Variants in FAM184B observed in about 807,000 individuals in gnomAD.
FAM184B encodes the protein family with sequence similarity 184 member B, also known as protein FAM184B.
In FAM184B, 111 loss-of-function variants were observed where a neutral mutation model predicts 135.9. The ratio of observed to expected loss-of-function variants is 0.82; its 90% confidence interval spans 0.70 to 0.96. FAM184B has a LOEUF of 0.96. Ranked by LOEUF, FAM184B falls within the 40% of genes least tolerant of loss-of-function variation. The pLI, the probability that FAM184B is intolerant of heterozygous loss-of-function variation, is 0.00. For missense variants in FAM184B, 1,375 were observed against 1,323.9 expected, an observed-to-expected ratio of 1.04 and a Z score of -0.60; for synonymous variants, 552 against 524.8, an observed-to-expected ratio of 1.05 and a Z score of -0.71.
chr4:17,746,248 T>C (rs1402602606), intron 1 of FAM184B, among the ~76,000 whole-genome samples: 1 of 151,380 alleles, frequency 6.6e-6, no homozygotes, highest in Non-Finnish European at 1.5e-5. Flanking sequence ...CATGAGCCAC[T>C]GCACCTGACT....
intron 12 of FAM184B, among the ~76,000 whole-genome samples, chr4:17,645,115 A>T (rs1272841811): frequency 6.6e-6 from 1 of 152,240 alleles, no homozygotes; most frequent in Admixed American, 6.5e-5. Context: ...TTCCATGCTC[A>T]TGGATAGGAA....
intron 11 of FAM184B, 58 bp from the exon 12 acceptor site, chr4:17,647,849 A>C: frequency 7.3e-7 from 1 of 1,378,258 alleles, no homozygotes. Flanking sequence ...AGCCTGTGTC[A>C]TGGGGACAAC....
chr4:17,764,236 A>G (rs554746277), intron 1 of FAM184B, among the ~76,000 whole-genome samples: 1 of 152,196 alleles, frequency 6.6e-6, no homozygotes, highest in African/African-American at 2.4e-5. Context: ...GCCTGGAACA[A>G]TTCAGCTCTG....
chr4:17,668,164 G>A lies in FAM184B; in HGVS notation c.1597-3505C>T, dbSNP rs569043005. 3.4e-4 allele frequency among the ~76,000 whole-genome samples: 52 copies of A among 152,310 alleles called. 1 individual carries two copies. In the South Asian group the frequency reaches 9.9e-3, roughly 29 times the overall value. ...AGCCCAGCCTTGTGGGCTGCAGTTCGTTCTTGATCTTCCTCAGTTCACTTC... is the reference window on the plus strand; with the variant it reads ...AGCCCAGCCTTGTGGGCTGCAGTTCATTCTTGATCTTCCTCAGTTCACTTC... On this transcript the variant is annotated intron_variant, in intron 7 of 17. Transcript: ENST00000265018.
In FAM184B at chr4:17,688,567, C is replaced by T. The variant is rs1350237375; in HGVS notation, c.1489-36G>A. On this transcript the variant is annotated intron_variant, in intron 6 of 17. Transcript: ENST00000265018. ...AGATAAGAAACACCACACAATGAAA[C>T]CAGGTTCTACCTCCTCGATACAGTC... The T allele has an allele frequency of 3.5e-6, 5 of 1,441,480 alleles. No homozygotes were observed. In the East Asian group the frequency reaches 7.5e-5, roughly 22 times the overall value. 89.3% of individuals were successfully genotyped at this position (1,441,480 alleles called of 1,614,324 possible). A position where few individuals can be genotyped will look rare whatever the true frequency, so the allele number is the denominator to read the frequency against.
intron 1 of FAM184B, among the ~76,000 whole-genome samples, chr4:17,770,009 A>G (rs1247821634): frequency 6.6e-6 from 1 of 152,228 alleles, no homozygotes; most frequent in Non-Finnish European, 1.5e-5. Context: ...AGAGGAAACC[A>G]AGAGGACAAA....
rs749715642 is a variant in FAM184B, at chr4:17,647,754, G to T, written c.2229C>A (p.Ala743=). 1.3e-6 allele frequency: 2 copies of T among 1,550,854 alleles called. No homozygotes were observed. Among genetic ancestry groups the T allele is most frequent in the South Asian group, 2.4e-5 (2 of 84,038 alleles). The change falls in exon 12 of 18, where the codon GCC becomes GCA. Residue 743 remains alanine, a synonymous_variant. Coordinates refer to ENST00000265018, the MANE Select transcript of FAM184B (RefSeq NM_015688.2). Reference sequence around the variant, plus strand: ...CCAAGTCCTTCTGGTGCCCAGAACAGGCAGCTTGCTGCTCCGACAGCTCCT... The same window carrying T: ...CCAAGTCCTTCTGGTGCCCAGAACATGCAGCTTGCTGCTCCGACAGCTCCT... The part of the protein sequence containing the change: ...LRQELSEQQA[A]CSGHQKDLEA...
chr4:17,721,404 A>AAAAAAAAAAAAAAAAAC (rs1356056491), intron 1 of FAM184B, among the ~76,000 whole-genome samples: 3 of 149,974 alleles, frequency 2.0e-5, no homozygotes, highest in African/African-American at 4.9e-5. Flanking sequence ...AAAAAAAAAA[A>AAAAAAAAAAAAAAAAAC]AATCTCTTTG....
chr4:17,703,708 G>A (rs753822921), intron 5 of FAM184B, among the ~76,000 whole-genome samples: 8 of 152,050 alleles, frequency 5.3e-5, no homozygotes, highest in South Asian at 2.1e-4. Flanking sequence ...CAAGGAGGGC[G>A]GATCACGAGG....
chr4:17,709,903 C>T (rs560424269), intron 1 of FAM184B, among the ~76,000 whole-genome samples: 1 of 152,094 alleles, frequency 6.6e-6, no homozygotes, highest in Non-Finnish European at 1.5e-5. Flanking sequence ...CAGCTTTGGC[C>T]GAATTCCGAA....
chr4:17,648,331 T>C, intron 11 of FAM184B, among the ~76,000 whole-genome samples: 1 of 151,968 alleles, frequency 6.6e-6, no homozygotes, highest in Middle Eastern at 3.2e-3. Context: ...TTGGAAATTT[T>C]GAAATTTATG....
chr4:17,768,543 G>C (rs564859985), intron 1 of FAM184B, among the ~76,000 whole-genome samples: 1 of 152,248 alleles, frequency 6.6e-6, no homozygotes, highest in Non-Finnish European at 1.5e-5. Flanking sequence ...CCAAAGTGCT[G>C]GGATTACAGG....
rs536816939 is a variant in FAM184B, at chr4:17,699,806, C to CT, written c.1377+5193dup. Among the ~76,000 whole-genome samples, 96 of 152,028 alleles carry CT rather than the reference C, an allele frequency of 6.3e-4. 2 individuals carry two copies. The South Asian group carries it at 0.02, about 31-fold the overall frequency. ...GAAAATGACCCTTTTTTCTCATTAACTTTTTTTTCTCTAAAATATGGTTGT... is the reference window on the plus strand; with the variant it reads ...GAAAATGACCCTTTTTTCTCATTAACTTTTTTTTTCTCTAAAATATGGTTGT... On this transcript the variant is annotated intron_variant, in intron 5 of 17. Coordinates refer to ENST00000265018, the MANE Select transcript of FAM184B (RefSeq NM_015688.2).
intron 1 of FAM184B, among the ~76,000 whole-genome samples, chr4:17,725,618 A>C (rs936326925): frequency 6.6e-6 from 1 of 152,178 alleles, no homozygotes; most frequent in Non-Finnish European, 1.5e-5. Context: ...GTTGGATAAT[A>C]GGGTTAAGTG....
At chr4:17,683,327 C>T (rs763982361) in intron 7 of FAM184B, among the ~76,000 whole-genome samples, 13 of 152,142 alleles carry the variant, frequency 8.5e-5, no homozygotes, top group African/African-American at 1.2e-4. Context: ...GCAAATTCCA[C>T]GGGAGCAAGA....
intron 1 of FAM184B, among the ~76,000 whole-genome samples, chr4:17,758,665 G>C (rs1718475688): frequency 6.6e-6 from 1 of 152,240 alleles, no homozygotes; most frequent in Admixed American, 6.5e-5. Context: ...TGAAGAAAAA[G>C]AGGTGATAAA....
chr4:17,667,102 G>A (rs1701590066), intron 7 of FAM184B, among the ~76,000 whole-genome samples: 1 of 151,996 alleles, frequency 6.6e-6, no homozygotes, highest in Non-Finnish European at 1.5e-5. Context: ...GGGACTACAG[G>A]TATACACCCA....
chr4:17,697,407 G>GA (rs950833200), intron 5 of FAM184B, among the ~76,000 whole-genome samples: 24 of 140,310 alleles, frequency 1.7e-4, no homozygotes, highest in African/African-American at 5.2e-4. Flanking sequence ...TAAAAGAGAA[G>GA]AAAAAAAAAC....
At chr4:17,699,406 A>G (rs1716934750) in intron 5 of FAM184B, among the ~76,000 whole-genome samples, 1 of 152,128 alleles carries the variant, frequency 6.6e-6, no homozygotes, top group East Asian at 1.9e-4. Context: ...GGCATATCAT[A>G]ACCAAATTGT....
Sources: allele counts gnomAD v4.1 joint callset (sites outside exome capture counted in the v4.1 genomes callset), GRCh38; gene constraint gnomAD v4.1.1; transcripts MANE v1.5; gene names NCBI Gene and HGNC (gene_info 2026-07-23, HGNC 2026-07-21).